GALNT13: variants seen among roughly 807,000 people sequenced by gnomAD.
GALNT13 encodes UDP-GalNAc:polypeptide N-acetylgalactosaminyltransferase 13.
Under a neutral mutation model 64.2 loss-of-function variants are expected in GALNT13, and 28 were observed. The ratio of observed to expected loss-of-function variants is 0.44; its 90% CI spans 0.32 to 0.60. GALNT13 has a LOEUF of 0.60. Ranked by LOEUF, GALNT13 falls within the 20% of genes least tolerant of loss-of-function variation. GALNT13 has a pLI of 0.05. For synonymous variants in GALNT13, 214 were observed against 224.6 expected (o/e 0.95, Z 0.42); for missense variants, 577 against 669.8 (o/e 0.86, Z 1.53).
intron 9 of GALNT13, among the ~76,000 whole-genome samples, chr2:154,322,540 A>G (rs1322402287): frequency 1.3e-5 from 2 of 152,120 alleles, no homozygotes; most frequent in Non-Finnish European, 2.9e-5. Flanking sequence ...CTTGGTTTGA[A>G]GGCGTCTGAC....
intron 4 of GALNT13, among the ~76,000 whole-genome samples, chr2:154,226,736 T>A (rs1688638013): frequency 6.6e-6 from 1 of 152,168 alleles, no homozygotes. Flanking sequence ...GTTGATGGAT[T>A]TAAAATGTTT....
the GALNT13 span, among the ~76,000 whole-genome samples, chr2:153,114,371 T>C: frequency 2.0e-5 from 3 of 152,144 alleles, no homozygotes; most frequent in Admixed American, 2.0e-4. Flanking sequence ...GCACTGTGGC[T>C]ATATGCTTTC....
At chr2:154,053,058 G>A (rs1284567520) in intron 3 of GALNT13, among the ~76,000 whole-genome samples, 1 of 151,942 alleles carries the variant, frequency 6.6e-6, no homozygotes, top group Non-Finnish European at 1.5e-5. Context: ...CTATTTTTTG[G>A]TTATCACTTT....
At chr2:153,228,869 C>CAAAAAAAAAAAAAAAAAAAAAAAAAAA in the GALNT13 span, among the ~76,000 whole-genome samples, 1 of 68,632 alleles carries the variant, frequency 1.5e-5, no homozygotes, top group Non-Finnish European at 2.7e-5. Flanking sequence ...GAGACTGTCT[C>CAAAAAAAAAAAAAAAAAAAAAAAAAAA]AAAAAAAAAA....
the GALNT13 span, among the ~76,000 whole-genome samples, chr2:153,509,305 A>G: frequency 6.6e-6 from 1 of 152,194 alleles, no homozygotes; most frequent in African/African-American, 2.4e-5. Context: ...CGCCCTGCCA[A>G]CTGAAAACGG....
At chr2:154,213,242 G>A (rs993189262) in intron 4 of GALNT13, among the ~76,000 whole-genome samples, 1 of 151,938 alleles carries the variant, frequency 6.6e-6, no homozygotes, top group African/African-American at 2.4e-5. Flanking sequence ...ACAACACCCC[G>A]CTAATTTTTG....
chr2:153,204,474 A>C, the GALNT13 span, among the ~76,000 whole-genome samples: 1 of 152,050 alleles, frequency 6.6e-6, no homozygotes, highest in Non-Finnish European at 1.5e-5. Context: ...AGTTATACTT[A>C]CTGGCTTTTC....
At chr2:153,398,284 G>A in the GALNT13 span, among the ~76,000 whole-genome samples, 3 of 152,076 alleles carry the variant, frequency 2.0e-5, no homozygotes, top group Non-Finnish European at 2.9e-5. Context: ...AGTATTCCAT[G>A]GTGTATATGT....
the GALNT13 span, among the ~76,000 whole-genome samples, chr2:153,359,460 A>G: frequency 6.6e-6 from 1 of 151,922 alleles, no homozygotes; most frequent in Non-Finnish European, 1.5e-5. Context: ...AAATTGAGTA[A>G]AACAGGAAAA....
At chr2:153,608,114 C>T in the GALNT13 span, among the ~76,000 whole-genome samples, 1 of 152,196 alleles carries the variant, frequency 6.6e-6, no homozygotes, top group South Asian at 2.1e-4. Context: ...GCAGAGGTGT[C>T]AGACTCTGAA....
At chr2:154,108,940 C>A (rs1702777611) in intron 3 of GALNT13, among the ~76,000 whole-genome samples, 1 of 151,972 alleles carries the variant, frequency 6.6e-6, no homozygotes. Context: ...TATCATAGCT[C>A]TGTGGTATAC....
chr2:153,069,124 C>G, the GALNT13 span, among the ~76,000 whole-genome samples: 1 of 152,152 alleles, frequency 6.6e-6, no homozygotes, highest in Admixed American at 6.6e-5. Flanking sequence ...GGTGGTGCTA[C>G]CTCTTTGACC....
intron 3 of GALNT13, among the ~76,000 whole-genome samples, chr2:154,090,955 A>G (rs1410652437): frequency 6.6e-6 from 1 of 151,980 alleles, no homozygotes; most frequent in Non-Finnish European, 1.5e-5. Flanking sequence ...TAAGCCAGAC[A>G]AATTATTATC....
intron 3 of GALNT13, among the ~76,000 whole-genome samples, chr2:154,033,711 G>C (rs186147022): frequency 6.6e-6 from 1 of 152,030 alleles, no homozygotes; most frequent in African/African-American, 2.4e-5. Context: ...ATGCTGAGGC[G>C]GTTGGATCAT....
At chr2:154,273,828 A>T (rs1691487464) in intron 8 of GALNT13, among the ~76,000 whole-genome samples, 1 of 152,186 alleles carries the variant, frequency 6.6e-6, no homozygotes, top group Admixed American at 6.6e-5. Context: ...CACCGAGTAC[A>T]GTTACAAAAG....
In GALNT13 at chr2:154,041,735, A is replaced by T. The variant is rs1362874440; in HGVS notation, c.142+97096A>T. 2.8e-5 allele frequency among the ~76,000 whole-genome samples: 4 copies of T among 140,678 alleles called. 2 individuals carry two copies. Among genetic ancestry groups the T allele is most frequent in the Non-Finnish European group, 6.5e-5 (4 of 61,298 alleles). The allele number at this position is 140,678 out of a possible 152,430, so 92.3% of individuals were successfully genotyped here. ...GTATAATTTGTATTTACTTTCTTCA[A>T]ATATGGGAATCTCTAATGTCTTTCA... On this transcript the variant is annotated intron_variant, in intron 3 of 12. Coordinates refer to ENST00000392825, the MANE Select transcript of GALNT13 (RefSeq NM_052917.4).
intron 3 of GALNT13, among the ~76,000 whole-genome samples, chr2:154,012,533 G>A (rs1007933461): frequency 1.2e-4 from 18 of 152,204 alleles, no homozygotes; most frequent in African/African-American, 4.1e-4. Context: ...AATCTGATAA[G>A]TATGTACCTT....
chr2:153,115,096 A>T, the GALNT13 span, among the ~76,000 whole-genome samples: 1 of 151,850 alleles, frequency 6.6e-6, no homozygotes, highest in African/African-American at 2.4e-5. Flanking sequence ...AGTACTAAAA[A>T]ATAAAGGAAG....
At chr2:154,138,678 A>G (rs957473549) in intron 3 of GALNT13, among the ~76,000 whole-genome samples, 1 of 151,814 alleles carries the variant, frequency 6.6e-6, no homozygotes, top group Non-Finnish European at 1.5e-5. Context: ...CAAAGAAGCC[A>G]CATATAAATT....
Sources: gnomAD v4.1 joint callset for allele counts (sites outside exome capture counted in the v4.1 genomes callset) on GRCh38, gnomAD v4.1.1 for gene constraint, MANE v1.5 for transcripts, NCBI Gene and HGNC (gene_info 2026-07-23, HGNC 2026-07-21) for gene names.